VPS13D: variants seen among roughly 807,000 people sequenced by gnomAD.
The protein encoded by VPS13D is vacuolar protein sorting 13 homolog D.
In VPS13D, 187 loss-of-function variants were observed where a neutral mutation model predicts 461.9. The ratio of observed to expected loss-of-function variants is 0.40; its 90% CI spans 0.36 to 0.46. The LOEUF (loss-of-function observed/expected upper bound fraction) is 0.46. VPS13D is among the 20% of genes least tolerant of loss of function. VPS13D has a pLI of 0.60. For synonymous variants in VPS13D, 1,951 were observed against 1,986.3 expected, an observed-to-expected ratio of 0.98 and a Z score of 0.47; for missense variants, 4,711 against 5,364.9, an observed-to-expected ratio of 0.88 and a Z score of 3.81.
In VPS13D at chr1:12,511,315, G is replaced by T. The variant is rs1013264739; in HGVS notation, c.*2291G>T. On this transcript the variant is annotated 3_prime_UTR_variant, in exon 70 of 70. Transcript: ENST00000620676. This position sits in a 1 kb window ranked among gnomAD's most constrained non-coding sequence, Gnocchi z 4.5. Reference sequence around the variant, plus strand: ...GCGGGGCTGGGTGGGAGATGGGAGGGCCAACTGCGAGCTGCTCCACTTCTC... The same window carrying T: ...GCGGGGCTGGGTGGGAGATGGGAGGTCCAACTGCGAGCTGCTCCACTTCTC... The T allele has an allele frequency of 6.6e-6, 1 of 152,202 alleles. No individual in the cohort carries two copies. The highest frequency in any genetic ancestry group is 1.5e-5 in the Non-Finnish European group (1 of 68,048). 9.4% of individuals were successfully genotyped at this position (152,202 alleles called of 1,614,324 possible).
intron 30 of VPS13D, 104 bp downstream of exon 30, chr1:12,314,431 C>G (rs1351524506): frequency 4.6e-6 from 5 of 1,095,774 alleles, no homozygotes; most frequent in Admixed American, 2.1e-5. Context: ...AATCACTAGA[C>G]AGATAAATAG....
chr1:12,232,705 C>T (rs1190585297), intron 1 of VPS13D, among the ~76,000 whole-genome samples: 1 of 126,408 alleles, frequency 7.9e-6, no homozygotes, highest in Non-Finnish European at 1.6e-5. Context: ...GGCAGTAGTA[C>T]CTACAAAATC....
intron 40 of VPS13D, among the ~76,000 whole-genome samples, chr1:12,338,639 A>G (rs1326805236): frequency 6.6e-6 from 1 of 152,228 alleles, no homozygotes; most frequent in Non-Finnish European, 1.5e-5. Flanking sequence ...TTCATCAAGC[A>G]GTGGTGCCAC....
At chr1:12,231,462 T>C (rs1433000005) in intron 1 of VPS13D, among the ~76,000 whole-genome samples, 1 of 152,220 alleles carries the variant, frequency 6.6e-6, no homozygotes, top group Admixed American at 6.5e-5. Context: ...TTCTTTTCCG[T>C]TTAGGGCAAG....
intron 53 of VPS13D, 112 bp from the exon 54 acceptor site, chr1:12,369,355 G>C (rs1350205134): frequency 7.6e-6 from 7 of 919,534 alleles, no homozygotes; most frequent in Non-Finnish European, 1.2e-5. Context: ...TATTTCCTGT[G>C]TAAGATTCAT....
chr1:12,434,423 G>A (rs1393545908), intron 65 of VPS13D, among the ~76,000 whole-genome samples: 3 of 152,184 alleles, frequency 2.0e-5, no homozygotes, highest in Non-Finnish European at 4.4e-5. Flanking sequence ...TGAGGTGGCG[G>A]TGGTAGCAGC....
intron 46 of VPS13D, among the ~76,000 whole-genome samples, chr1:12,352,940 G>C (rs1465449437): frequency 2.1e-5 from 2 of 94,354 alleles, no homozygotes; most frequent in Non-Finnish European, 4.1e-5. Flanking sequence ...ACTCCAGCCT[G>C]GGCAATAAGA....
chr1:12,405,576 A>T (rs1327531466), intron 63 of VPS13D, among the ~76,000 whole-genome samples: 2 of 152,184 alleles, frequency 1.3e-5, no homozygotes, highest in Non-Finnish European at 2.9e-5. Context: ...GGAAGAGTGC[A>T]GCGTGCCCTT....
intron 54 of VPS13D, among the ~76,000 whole-genome samples, chr1:12,373,102 T>G (rs967709222): frequency 7.2e-6 from 1 of 138,032 alleles, no homozygotes; most frequent in Non-Finnish European, 1.5e-5. Context: ...TTGGTTTTTT[T>G]TTTTTTTTTT....
intron 40 of VPS13D, 110 bp downstream of exon 40, chr1:12,338,415 G>A (rs547774877): frequency 1.9e-5 from 17 of 899,730 alleles, no homozygotes; most frequent in South Asian, 5.6e-5. Context: ...ATTCCATGTC[G>A]TGAGTACTTT....
chr1:12,437,764 T>G (rs1005728525), intron 65 of VPS13D, among the ~76,000 whole-genome samples: 6 of 152,340 alleles, frequency 3.9e-5, no homozygotes, highest in Admixed American at 2.6e-4. Context: ...AATGACTGTT[T>G]TTCTGCAATT....
chr1:12,490,525 T>C (rs777318559), intron 67 of VPS13D, among the ~76,000 whole-genome samples: 4 of 152,212 alleles, frequency 2.6e-5, no homozygotes, highest in Non-Finnish European at 4.4e-5. Context: ...ACTTCGTCTT[T>C]AGAAGTAGAT....
chr1:12,374,578 G>T (rs964189188), intron 55 of VPS13D, among the ~76,000 whole-genome samples: 4 of 152,102 alleles, frequency 2.6e-5, no homozygotes, highest in African/African-American at 9.7e-5. Context: ...TTTATAATCA[G>T]TCAAGATTTT....
chr1:12,249,949 C>T (rs1431963519), intron 6 of VPS13D, among the ~76,000 whole-genome samples: 1 of 152,182 alleles, frequency 6.6e-6, no homozygotes, highest in Non-Finnish European at 1.5e-5. Context: ...CATAGGACCG[C>T]CTCCCACTTC....
chr1:12,412,500 A>G (rs1298553508), intron 63 of VPS13D, among the ~76,000 whole-genome samples: 3 of 152,242 alleles, frequency 2.0e-5, no homozygotes, highest in Middle Eastern at 3.2e-3. Flanking sequence ...ATGGATGTAT[A>G]ATACCATCAC....
At chr1:12,314,425 A>G in intron 30 of VPS13D, 98 bp downstream of exon 30, 3 of 1,164,142 alleles carry the variant, frequency 2.6e-6, no homozygotes, top group Non-Finnish European at 3.7e-6. Context: ...CCAAGGAATC[A>G]CTAGACAGAT....
In VPS13D at chr1:12,261,145, C is replaced by T. The variant is rs1324690585; in HGVS notation, c.1410C>T (p.Ile470=). ...EQQEQWIPEE[I]LGTEEFFDPT... ...AGGAGCAGTGGATTCCTGAAGAGAT[C>T]CTGGGTACGGTGGGAGCTGGCCTTC... Residue 470 remains isoleucine, a synonymous_variant, in exon 12 of 70, where the codon ATC becomes ATT. Coordinates refer to ENST00000620676, the MANE Select transcript of VPS13D (RefSeq NM_015378.4). 1.9e-6 allele frequency: 3 copies of T among 1,614,012 alleles called. No individual in the cohort carries two copies. The highest frequency in any genetic ancestry group is 2.5e-6 in the Non-Finnish European group (3 of 1,180,028).
chr1:12,412,110 A>T (rs1470461772), intron 63 of VPS13D, among the ~76,000 whole-genome samples: 1 of 152,182 alleles, frequency 6.6e-6, no homozygotes, highest in Non-Finnish European at 1.5e-5. Flanking sequence ...CCAACCAAAG[A>T]CGTATAAGAC....
chr1:12,400,960 G>GCACACACA (rs1348890891), intron 61 of VPS13D, among the ~76,000 whole-genome samples: 1,534 of 130,902 alleles, frequency 0.012, 13 homozygotes, highest in African/African-American at 0.015. Context: ...ACCTGCGCGC[G>GCACACACA]CGCACACACA....
Sources: allele counts gnomAD v4.1 joint callset (sites outside exome capture counted in the v4.1 genomes callset), GRCh38; gene constraint gnomAD v4.1.1; non-coding constraint Gnocchi (gnomAD v3.1); transcripts MANE v1.5; gene names NCBI Gene and HGNC (gene_info 2026-07-23, HGNC 2026-07-21).